The following CLSPN variants were observed in gnomAD, a reference collection of about 807,000 sequenced individuals.
CLSPN encodes the protein claspin, also known as claspin homolog.
A neutral mutation model predicts 156.3 loss-of-function variants in CLSPN; 85 were observed. The observed-to-expected ratio is 0.54, with a 90% CI of 0.46 to 0.65. The LOEUF (loss-of-function observed/expected upper bound fraction) is 0.65. Ranked by LOEUF, CLSPN falls within the 30% of genes least tolerant of loss-of-function variation. The probability of loss-of-function intolerance (pLI) is 0.00; values close to 1 mark genes in which losing one functional copy is unlikely to be tolerated. For missense variants in CLSPN, 1,407 were observed against 1,554.9 expected (o/e 0.90, Z 1.60); for synonymous variants, 534 against 542.4 (o/e 0.98, Z 0.22).
At chr1:35,728,077 C>CTTTTTTTTTTTTTTTT (rs59275877), downstream of CLSPN, among the ~76,000 whole-genome samples, 11 of 103,990 alleles carry the variant, frequency 1.1e-4, no homozygotes, top group Non-Finnish European at 1.1e-4. Flanking sequence ...AAACCACAAG[C>CTTTTTTTTTTTTTTTT]TTTTTTTTTT....
chr1:35,738,717 CA>C, intron 20 of CLSPN, 135 bp from the exon 21 acceptor site: 1 of 826,414 alleles, frequency 1.2e-6, no homozygotes, highest in Non-Finnish European at 1.8e-6. Context: ...AAAACAGTTA[CA>C]ACTAGGTCTT....
chr1:35,748,130 C>A (rs1268509443), intron 13 of CLSPN, 69 bp from the exon 14 acceptor site: 3 of 1,534,964 alleles, frequency 2.0e-6, no homozygotes, highest in East Asian at 2.3e-5. Context: ...ATGACAACCA[C>A]AAAAGTTGCT....
intron 3 of CLSPN, 77 bp from the exon 4 acceptor site, chr1:35,763,398 GA>G (rs749069063): frequency 2.2e-5 from 24 of 1,114,978 alleles, no homozygotes; most frequent in Non-Finnish European, 1.2e-6. Flanking sequence ...TGGCAATTTG[GA>G]TCAGGCCAGA....
chr1:35,750,780 G>C (rs1642056564), intron 10 of CLSPN, among the ~76,000 whole-genome samples: 1 of 151,946 alleles, frequency 6.6e-6, no homozygotes, highest in Non-Finnish European at 1.5e-5. Context: ...AAGGGCAAGA[G>C]GCCCTTCTAC....
In CLSPN at chr1:35,733,361, C is replaced by G. The variant is rs980916574; in HGVS notation, c.*3135G>C. The G allele has an allele frequency of 4.0e-6, 1 of 253,148 alleles. No homozygotes were observed. Among genetic ancestry groups the G allele is most frequent in the African/African-American group, 2.6e-5 (1 of 38,650 alleles). The allele number at this position is 253,148 out of a possible 1,614,324, so 15.7% of individuals were successfully genotyped here. ...TTAGAGTTGGGATTTCACCATGTTT[C>G]CCAGGCTGGTCTCGAACTCCTGAGT... is the stretch of plus-strand genomic sequence containing the variant. On this transcript the variant is annotated 3_prime_UTR_variant, in exon 25 of 25. Transcript: ENST00000318121.
Position 35,737,957 on chromosome 1 carries a change from AG to A in CLSPN, c.3664+34del, listed in dbSNP as rs1641532020. 4.2e-6 allele frequency: 5 copies of A among 1,201,260 alleles called. No homozygotes were observed. The African/African-American group carries it at 4.6e-5, about 11-fold the overall frequency. The allele number at this position is 1,201,260 out of a possible 1,614,324, so 74.4% of individuals were successfully genotyped here. A position where few individuals can be genotyped will look rare whatever the true frequency, so the allele number is the denominator to read the frequency against. On this transcript the variant is annotated intron_variant, in intron 22 of 24. Transcript: ENST00000318121. ...TCCAAAGCTCTACCACTAACAATCC[AG>A]GGGGCTAGACCCTAAGGAGAAACAA...
chr1:35,743,288 C>T (rs369085580), intron 17 of CLSPN, 47 bp from the exon 18 acceptor site: 26 of 1,481,458 alleles, frequency 1.8e-5, no homozygotes, highest in Non-Finnish European at 2.3e-5. Context: ...AAAATGCGTC[C>T]TCAATGAAAA....
chr1:35,754,692 AG>A (rs1642214258), intron 8 of CLSPN, among the ~76,000 whole-genome samples: 1 of 152,188 alleles, frequency 6.6e-6, no homozygotes, highest in South Asian at 2.1e-4. Flanking sequence ...TTTTTCAAGA[AG>A]GGAAAATAAA....
Position 35,739,217 on chromosome 1 carries a change from A to G in CLSPN, c.3349T>C (p.Tyr1117His). 6.2e-7 allele frequency: 1 copy of G among 1,614,224 alleles called. No homozygotes were observed. Among genetic ancestry groups the G allele is most frequent in the Non-Finnish European group, 8.5e-7 (1 of 1,180,036 alleles). The stretch of plus-strand genomic sequence containing the variant: ...CCATCAGCAAGGTACCTCTCTTGGT[A>G]TAAACGTAGCTGTCGCTTATCATCA... ...LDDDKRQLRL[Y>H]QERYLADGDL... The change falls in exon 20 of 25, where the codon TAC (tyrosine) becomes CAC (histidine). Residue 1117 changes from tyrosine (Y) to histidine (H), a missense_variant. By Grantham distance (83) the Tyr-to-His change is moderately conservative (BLOSUM62 2). This residue lies in a region of CLSPN where 70 missense variants were observed against 121.5 expected (regional missense o/e 0.58). Transcript: ENST00000318121.
At chr1:35,720,855 CT>C (rs745941065) in exon 25 of CLSPN, 3 of 1,482,328 alleles carry the variant, frequency 2.0e-6, no homozygotes, top group Non-Finnish European at 2.8e-6. Context: ...CAGAATAGCC[CT>C]TCTCCGCCTC....
chr1:35,737,421 G>T lies in CLSPN; in HGVS notation c.3665C>A (p.Ala1222Asp), dbSNP rs547820791. ...TTCCTGAATAACCATAGGGCGACTGGCTGGAAAGAAAAGACAGAGAGGCCT... is the reference window on the plus strand; with the variant it reads ...TTCCTGAATAACCATAGGGCGACTGTCTGGAAAGAAAAGACAGAGAGGCCT... ...KVTAKALQKN[A>D]SRPMVIQESK... The change falls in exon 23 of 25, where the codon GCC (alanine) becomes GAC (aspartate). Residue 1222 changes from alanine to aspartate, a missense_variant and splice_region_variant. Ala to Asp is a moderately radical substitution (Grantham distance 126). This residue lies in a region of CLSPN where 241 missense variants were observed against 240.5 expected (regional missense o/e 1.00). Transcript: ENST00000318121. The T allele has an allele frequency of 1.2e-6, 2 of 1,612,444 alleles. No individual in the cohort carries two copies. Among genetic ancestry groups the T allele is most frequent in the African/African-American group, 2.7e-5 (2 of 75,006 alleles).
Position 35,764,424 on chromosome 1 carries a change from T to TA in CLSPN, c.423dup (p.Thr142TyrfsTer6), listed in dbSNP as rs1557524948. 5 of 1,613,984 alleles carry TA rather than the reference T, an allele frequency of 3.1e-6. No individual in the cohort carries two copies. In the Admixed American group the frequency reaches 8.3e-5, roughly 27 times the overall value. On this transcript the variant is annotated frameshift_variant, in exon 3 of 25. Transcript: ENST00000318121. LOFTEE classifies it high-confidence loss of function. ...CTCTTTCTGTCAGTGGTAAAGTCTGTAGAGTTTCCAGACTGAAGACTCAGC... is the reference window on the plus strand; with the variant it reads ...CTCTTTCTGTCAGTGGTAAAGTCTGTAAGAGTTTCCAGACTGAAGACTCAGC...
chr1:35,733,742 C>A lies in CLSPN; in HGVS notation c.*2754G>T. The A allele has an allele frequency of 1.0e-6, 1 of 965,022 alleles. No homozygotes were observed. Among genetic ancestry groups the A allele is most frequent in the Non-Finnish European group, 1.2e-6 (1 of 811,812 alleles). The allele number at this position is 965,022 out of a possible 1,614,324, so 59.8% of individuals were successfully genotyped here. ...CCTGTGACCCCAGCATTTTGGGAGGCCAAGGTGGGAGGATTACTTGAGGCC... is the reference window on the plus strand; with the variant it reads ...CCTGTGACCCCAGCATTTTGGGAGGACAAGGTGGGAGGATTACTTGAGGCC... On this transcript the variant is annotated 3_prime_UTR_variant, in exon 25 of 25. Coordinates refer to ENST00000318121, the MANE Select transcript of CLSPN (RefSeq NM_022111.4).
At position 35,733,904 on chromosome 1, in the gene CLSPN, C is replaced by T. The variant is rs1328441540; in HGVS notation, c.*2592G>A. 1 of 730,178 alleles carries T rather than the reference C, an allele frequency of 1.4e-6. No homozygotes were observed. Among genetic ancestry groups the T allele is most frequent in the Non-Finnish European group, 1.7e-6 (1 of 597,154 alleles). The allele number at this position is 730,178 out of a possible 1,614,324, so 45.2% of individuals were successfully genotyped here. A position where few individuals can be genotyped will look rare whatever the true frequency, so the allele number is the denominator to read the frequency against. On this transcript the variant is annotated 3_prime_UTR_variant, in exon 25 of 25. Transcript: ENST00000318121. ...GTTGAGGAAGGAGGATGCTGAAGCC[C>T]AGGAGTTCAAGGGTACAGTGAGCTA... is the stretch of plus-strand genomic sequence containing the variant.
At chr1:35,751,780 T>C (rs1385759930) in intron 9 of CLSPN, among the ~76,000 whole-genome samples, 1 of 146,620 alleles carries the variant, frequency 6.8e-6, no homozygotes, top group Non-Finnish European at 1.5e-5. Context: ...AGTCTGTGGC[T>C]CAAAAGCCAT....
In CLSPN at chr1:35,735,705, CA is replaced by C. The variant is rs879289482; in HGVS notation, c.*790del. 65,576 of 613,604 alleles carry C rather than the reference CA, an allele frequency of 0.11. 14 individuals carry two copies. The highest frequency in any genetic ancestry group is 0.12 in the Non-Finnish European group (59,044 of 502,000). 38.0% of individuals were successfully genotyped at this position (613,604 alleles called of 1,614,324 possible). A position where few individuals can be genotyped will look rare whatever the true frequency, so the allele number is the denominator to read the frequency against. On this transcript the variant is annotated 3_prime_UTR_variant, in exon 25 of 25. Transcript: ENST00000318121. ...ACTGGGCAACAAAGTGAGACTATCT[CA>C]AAAAAAAAAAAAGAAATCTTTCTTT...
In CLSPN at chr1:35,769,862, G is replaced by T. The variant is rs930168293; in HGVS notation, c.9C>A (p.Gly3=). 2 of 1,608,208 alleles carry T rather than the reference G, an allele frequency of 1.2e-6. No homozygotes were observed. The highest frequency in any genetic ancestry group is 2.2e-5 in the South Asian group (2 of 90,310). The change falls in exon 1 of 25, where the codon GGC becomes GGA. Residue 3 remains glycine, a synonymous_variant. Coordinates refer to ENST00000318121, the MANE Select transcript of CLSPN (RefSeq NM_022111.4). Reference sequence around the variant, plus strand: ...ATAAACTCACCTCAGAACCCACCTCGCCTGTCATGACTTCTGCCTCCCCTG... The same window carrying T: ...ATAAACTCACCTCAGAACCCACCTCTCCTGTCATGACTTCTGCCTCCCCTG... MT[G]EVGSEVHLEI... is the part of the protein sequence containing the mutation.
Position 35,760,881 on chromosome 1 carries a change from A to G in CLSPN, c.1040T>C (p.Ile347Thr), listed in dbSNP as rs1048169211. The G allele has an allele frequency of 6.2e-7, 1 of 1,612,730 alleles. No homozygotes were observed. The highest frequency in any genetic ancestry group is 1.3e-5 in the African/African-American group (1 of 74,870). The change falls in exon 8 of 25, where the codon ATC (isoleucine) becomes ACC (threonine). Residue 347 changes from isoleucine to threonine, a missense_variant. Transcript: ENST00000318121. ...SKYQSSHHKE[I>T]IDTANTTEMN... is the part of the protein sequence containing the mutation. ...TTCAGTAGTATTTGCAGTGTCTATG[A>G]TTTCTTTGTGATGGCTTGACTGATA...
chr1:35,738,846 G>A (rs967186946), intron 20 of CLSPN, among the ~76,000 whole-genome samples: 3 of 148,542 alleles, frequency 2.0e-5, no homozygotes, highest in Non-Finnish European at 1.5e-5. Context: ...TGTCGCCCAG[G>A]CTGGAGTGCA....
Sources: gnomAD v4.1 joint callset for allele counts (sites outside exome capture counted in the v4.1 genomes callset) on GRCh38, gnomAD v4.1.1 for gene constraint, gnomAD v4.1.1 regional missense constraint, MANE v1.5 for transcripts, NCBI Gene and HGNC (gene_info 2026-07-23, HGNC 2026-07-21) for gene names.